TWNK: variants seen among roughly 807,000 people sequenced by gnomAD.
The protein encoded by TWNK is T7 gp4-like protein with intramitochondrial nucleoid localization.
TWNK carries 36 observed loss-of-function variants against 58.2 expected under a neutral mutation model. The ratio of observed to expected loss-of-function variants is 0.62; its 90% confidence interval spans 0.47 to 0.82. The LOEUF is 0.82. Ranked by LOEUF, TWNK falls within the 40% of genes least tolerant of loss-of-function variation. The probability of loss-of-function intolerance (pLI) is 0.00; values close to 1 mark genes in which losing one functional copy is unlikely to be tolerated. For missense variants in TWNK, 714 were observed against 881.0 expected (o/e 0.81, Z 2.40); for synonymous variants, 349 against 348.5 (o/e 1.00, Z -0.02).
rs1851861136 is a variant in TWNK, at chr10:100,994,116, G to C, written c.*606G>C. The C allele has an allele frequency of 6.3e-6, 1 of 159,156 alleles. No homozygotes were observed. The highest frequency in any genetic ancestry group is 2.4e-5 in the African/African-American group (1 of 41,458). The allele number at this position is 159,156 out of a possible 1,614,324, so 9.9% of individuals were successfully genotyped here. A position where few individuals can be genotyped will look rare whatever the true frequency, so the allele number is the denominator to read the frequency against. On this transcript the variant is annotated 3_prime_UTR_variant, in exon 5 of 5. Coordinates refer to ENST00000311916, the MANE Select transcript of TWNK (RefSeq NM_021830.5). ...CCAGCCTAGGCTTTCAAAGTCAAAG[G>C]GTGATACAGTGGGTACCAAGCTCCT...
chr10:100,990,632 C>T, intron 3 of TWNK, 89 bp downstream of exon 3: 1 of 1,610,244 alleles, frequency 6.2e-7, no homozygotes. Flanking sequence ...GGCACACATG[C>T]TGTGCTCTCC....
chr10:100,990,518 G>C lies in TWNK; in HGVS notation c.1567G>C (p.Gly523Arg), dbSNP rs1272128885. The stretch of plus-strand genomic sequence containing the variant: ...CATCGACAACCTGCAGTTCATGATG[G>C]GTCACGAGCAGCTGTCCACAGACAG... ...VIIDNLQFMM[G>R]HEQLSTDRIA... The change falls in exon 3 of 5, where the codon GGT becomes CGT. Residue 523 changes from glycine (G) to arginine (R), a missense_variant. Physicochemically the swap from Gly to Arg is moderately radical, Grantham distance 125. This residue lies in a region of TWNK where 302 missense variants were observed against 438.6 expected (regional missense o/e 0.69). Coordinates refer to ENST00000311916, the MANE Select transcript of TWNK (RefSeq NM_021830.5). 6.2e-7 allele frequency: 1 copy of C among 1,614,140 alleles called. No homozygotes were observed. Among genetic ancestry groups the C allele is most frequent in the East Asian group, 2.2e-5 (1 of 44,884 alleles).
At chr10:100,992,568 ATGAGATGTGACATTTAGAC>A (rs1564811017) in intron 4 of TWNK, among the ~76,000 whole-genome samples, 1 of 144,992 alleles carries the variant, frequency 6.9e-6, no homozygotes, top group African/African-American at 2.5e-5. Flanking sequence ...GGTCTCCTTC[ATGAGATGTGACATTTAGAC>A]TGAGACCTAA....
At chr10:100,993,115 C>A in intron 4 of TWNK, 75 bp from the exon 5 acceptor site, 2 of 1,479,070 alleles carry the variant, frequency 1.4e-6, no homozygotes, top group Non-Finnish European at 1.9e-6. Flanking sequence ...CTCCTCCCTG[C>A]CCTGTCAGCC....
At position 100,990,866 on chromosome 10, in the gene TWNK, T is replaced by C. The variant is rs3740486; in HGVS notation, c.1593-3T>C. On this transcript the variant is annotated splice_region_variant and splice_polypyrimidine_tract_variant and intron_variant, in intron 3 of 4. Transcript: ENST00000311916. The stretch of plus-strand genomic sequence containing the variant: ...AGCTCTTTGTGTTGTTGGGATGGCG[T>C]AGGATCGCAGCTCAAGACTACATCA... The C allele has an allele frequency of 0.24, 380,887 of 1,612,110 alleles. 51,482 individuals carry two copies. Among genetic ancestry groups the C allele is most frequent in the East Asian group, 0.55 (24,757 of 44,824 alleles).
rs377392391 is a variant in TWNK at position 100,993,330 on chromosome 10, C to T, written c.1875C>T (p.Ser625=). 1.1e-5 allele frequency: 18 copies of T among 1,614,158 alleles called. No individual in the cohort carries two copies. The highest frequency in any genetic ancestry group is 1.5e-5 in the Non-Finnish European group (18 of 1,180,046). The change falls in exon 5 of 5, where the codon TCC becomes TCT. Residue 625 remains serine (S), a synonymous_variant. Transcript: ENST00000311916. ...GVFPLEFNKN[S]LTFSIPPKNK... is the part of the protein sequence containing the mutation. Reference sequence around the variant, plus strand: ...TCCCGCTTGAGTTCAACAAGAACTCCCTCACCTTCTCCATTCCACCAAAGA... The same window carrying T: ...TCCCGCTTGAGTTCAACAAGAACTCTCTCACCTTCTCCATTCCACCAAAGA...
Position 100,990,432 on chromosome 10 carries a change from C to A in TWNK, c.1485-4C>A, listed in dbSNP as rs759409385. The A allele has an allele frequency of 8.7e-6, 14 of 1,611,908 alleles. No homozygotes were observed. Among genetic ancestry groups the A allele is most frequent in the African/African-American group, 1.3e-5 (1 of 74,992 alleles). The stretch of plus-strand genomic sequence containing the variant: ...GTCAAATTCCTTGCCTTTCCTCTTC[C>A]CAGGACTGTAATAGATACAATGCAA... On this transcript the variant is annotated splice_polypyrimidine_tract_variant and splice_region_variant and intron_variant, in intron 2 of 4. Coordinates refer to ENST00000311916, the MANE Select transcript of TWNK (RefSeq NM_021830.5).
In TWNK at chr10:100,993,617, A is replaced by T; in HGVS notation, c.*107A>T. ...TGGTCCTGAGCTGTGTGCCCTTCTCAGTCTGAGGGGCCTAACCTAGAGCAG... is the reference window on the plus strand; with the variant it reads ...TGGTCCTGAGCTGTGTGCCCTTCTCTGTCTGAGGGGCCTAACCTAGAGCAG... On this transcript the variant is annotated 3_prime_UTR_variant, in exon 5 of 5. Transcript: ENST00000311916. 2.4e-6 allele frequency: 3 copies of T among 1,267,816 alleles called. No homozygotes were observed. The South Asian group carries it at 3.8e-5, about 16-fold the overall frequency. 78.5% of individuals were successfully genotyped at this position (1,267,816 alleles called of 1,614,324 possible). A position where few individuals can be genotyped will look rare whatever the true frequency, so the allele number is the denominator to read the frequency against.
At position 100,989,242 on chromosome 10, in the gene TWNK, G is replaced by A. The variant is rs1375011788; in HGVS notation, c.1032G>A (p.Glu344=). Residue 344 remains glutamate, a synonymous_variant, in exon 1 of 5, where the codon GAG becomes GAA. Coordinates refer to ENST00000311916, the MANE Select transcript of TWNK (RefSeq NM_021830.5). The surrounding 1 kb of genome is among the most constrained non-coding windows in gnomAD (Gnocchi z 7.6). The part of the protein sequence containing the change: ...RPGDQQPRPL[E]ALNGGFNLSR... ...GAGACCAGCAACCCCGTCCCCTGGA[G>A]GCCCTGAACGGAGGCTTCAATCTTT... is the stretch of plus-strand genomic sequence containing the variant. 1.9e-6 allele frequency: 3 copies of A among 1,614,074 alleles called. No homozygotes were observed. The highest frequency in any genetic ancestry group is 1.3e-5 in the African/African-American group (1 of 74,932).
rs1414921659 is a variant in TWNK, at chr10:100,990,558, C to T, written c.1592+15C>T. 4 of 1,614,012 alleles carry T rather than the reference C, an allele frequency of 2.5e-6. No individual in the cohort carries two copies. The highest frequency in any genetic ancestry group is 2.5e-6 in the Non-Finnish European group (3 of 1,180,016). On this transcript the variant is annotated intron_variant, in intron 3 of 4. Transcript: ENST00000311916. ...TCCACAGACAGGTGACGGTGACATC[C>T]TCTCTTGTCTAGCTTGAGCCCGCTT...
chr10:100,993,121 C>A, intron 4 of TWNK, 69 bp from the exon 5 acceptor site: 1 of 1,518,498 alleles, frequency 6.6e-7, no homozygotes, highest in South Asian at 1.1e-5. Context: ...CCTGCCCTGT[C>A]AGCCCCCCTT....
rs17113613 is a variant in TWNK at position 100,989,312 on chromosome 10, G to T, written c.1102G>T (p.Val368Leu). The change falls in exon 1 of 5, where the codon GTA (valine) becomes TTA (leucine). Residue 368 changes from valine to leucine, a missense_variant. Physicochemically the swap from Val to Leu is conservative, Grantham distance 32 (BLOSUM62 1). Transcript: ENST00000311916. This position sits in a 1 kb window ranked among gnomAD's most constrained non-coding sequence, Gnocchi z 7.6. The part of the protein sequence containing the change: ...TALPAWHKSI[V>L]SFRQLREEVL... ...CCTGCCTGCCTGGCACAAGTCCATC[G>T]TATCTTTCCGGCAGCTTCGGGAGGA... 1.9e-6 allele frequency: 3 copies of T among 1,614,104 alleles called. No homozygotes were observed. The highest frequency in any genetic ancestry group is 1.7e-5 in the Admixed American group (1 of 60,032).
rs1347343587 is a variant in TWNK at position 100,993,443 on chromosome 10, A to T, written c.1988A>T (p.Asn663Ile). The T allele has an allele frequency of 1.2e-5, 20 of 1,614,058 alleles. No homozygotes were observed. The highest frequency in any genetic ancestry group is 1.6e-5 in the Non-Finnish European group (19 of 1,180,030). ...GGCAAAAAGGGGGCTACGACACAGA[A>T]CTCTGAGATTTGCTCAGGCCAGGCC... is the stretch of plus-strand genomic sequence containing the variant. ...SSGKKGATTQ[N>I]SEICSGQAPT... The change falls in exon 5 of 5, where the codon AAC (asparagine) becomes ATC (isoleucine). Residue 663 changes from asparagine to isoleucine, a missense_variant. Physicochemically the swap from Asn to Ile is moderately radical, Grantham distance 149 (BLOSUM62 -3). Transcript: ENST00000311916.
rs1590016281 is a variant in TWNK, at chr10:100,987,821, A to G, written c.-390A>G. 9.5e-5 allele frequency: 56 copies of G among 587,382 alleles called. No homozygotes were observed. The East Asian group carries it at 1.6e-3, about 17-fold the overall frequency. 36.4% of individuals were successfully genotyped at this position (587,382 alleles called of 1,614,324 possible). A position where few individuals can be genotyped will look rare whatever the true frequency, so the allele number is the denominator to read the frequency against. On this transcript the variant is annotated 5_prime_UTR_variant, in exon 1 of 5. Transcript: ENST00000311916. ...GGCCTAGGGCAAAGGGACTACAAAA[A>G]GGATGCAGATGACTATAGAAATGAG... is the stretch of plus-strand genomic sequence containing the variant.
At position 100,989,846 on chromosome 10, in the gene TWNK, C is replaced by G. The variant is rs1483640254; in HGVS notation, c.1446C>G (p.Pro482=). ...GGGCTGACCGCTTTGAGGACCTGCCCCTCTATTTCATGACTTTCCATGGAC... is the reference window on the plus strand; with the variant it reads ...GGGCTGACCGCTTTGAGGACCTGCCGCTCTATTTCATGACTTTCCATGGAC... ...DHWADRFEDL[P]LYFMTFHGQQ... is the part of the protein sequence containing the mutation. Residue 482 remains proline, a synonymous_variant, in exon 2 of 5, where the codon CCC becomes CCG. Transcript: ENST00000311916. This position sits in a 1 kb window ranked among gnomAD's most constrained non-coding sequence, Gnocchi z 7.6. The G allele has an allele frequency of 6.2e-7, 1 of 1,614,194 alleles. No homozygotes were observed. The highest frequency in any genetic ancestry group is 8.5e-7 in the Non-Finnish European group (1 of 1,180,036).
intron 4 of TWNK, among the ~76,000 whole-genome samples, chr10:100,991,951 A>G (rs1220504300): frequency 6.6e-6 from 1 of 150,732 alleles, no homozygotes; most frequent in African/African-American, 2.4e-5. Flanking sequence ...CGGGAGGCGG[A>G]GCTTGCAGTG....
In TWNK at chr10:100,988,718, C is replaced by G; in HGVS notation, c.508C>G (p.Gln170Glu). The G allele has an allele frequency of 4.3e-6, 7 of 1,614,148 alleles. No homozygotes were observed. The highest frequency in any genetic ancestry group is 5.9e-6 in the Non-Finnish European group (7 of 1,180,024). The change falls in exon 1 of 5, where the codon CAG becomes GAG. Residue 170 changes from glutamine to glutamate, a missense_variant. Physicochemically the swap from Gln to Glu is conservative, Grantham distance 29. Transcript: ENST00000311916. This position sits in a 1 kb window ranked among gnomAD's most constrained non-coding sequence, Gnocchi z 5.2. ...AATACCTCTCTGGGAGCTGCCTGAT[C>G]AGGAGGAGGTTCAGCTGGCTGATAC... ...RAIPLWELPD[Q>E]EEVQLADTMF...
At chr10:100,990,644 A>G in intron 3 of TWNK, 101 bp downstream of exon 3, 3 of 1,608,594 alleles carry the variant, frequency 1.9e-6, no homozygotes, top group South Asian at 1.1e-5. Context: ...GTGCTCTCCT[A>G]TTTTCTGAGA....
chr10:100,990,456 A>T lies in TWNK; in HGVS notation c.1505A>T (p.Gln502Leu). 6.2e-7 allele frequency: 1 copy of T among 1,614,044 alleles called. No individual in the cohort carries two copies. Among genetic ancestry groups the T allele is most frequent in the Non-Finnish European group, 8.5e-7 (1 of 1,179,890 alleles). The stretch of plus-strand genomic sequence containing the variant: ...CCCAGGACTGTAATAGATACAATGC[A>T]ACATGCAGTCTACGTCTATGACATT... Reference protein sequence around the residue: ...QSIRTVIDTMQHAVYVYDICH... With the variant: ...QSIRTVIDTMLHAVYVYDICH... The change falls in exon 3 of 5, where the codon CAA becomes CTA. Residue 502 changes from glutamine (Q) to leucine (L), a missense_variant. By Grantham distance (113) the Gln-to-Leu change is moderately radical. Around this residue, in one of 3 missense-constraint regions of TWNK, gnomAD observed 302 missense variants for 438.6 expected, o/e 0.69. Transcript: ENST00000311916.
Sources: gnomAD v4.1 joint callset for allele counts (sites outside exome capture counted in the v4.1 genomes callset) on GRCh38, gnomAD v4.1.1 for gene constraint, gnomAD v4.1.1 regional missense constraint, Gnocchi (gnomAD v3.1) non-coding constraint, MANE v1.5 for transcripts, NCBI Gene and HGNC (gene_info 2026-07-23, HGNC 2026-07-21) for gene names.